Variants in KIF21A observed in about 807,000 individuals in gnomAD.
KIF21A encodes the protein kinesin-like protein KIF21A.
KIF21A carries 114 observed loss-of-function variants against 202.9 expected under a neutral mutation model. The observed-to-expected ratio is 0.56, with a 90% CI of 0.48 to 0.66. The LOEUF (loss-of-function observed/expected upper bound fraction) is 0.66. Among genes scored for constraint, KIF21A ranks in the 30% least tolerant of loss-of-function variants. KIF21A has a pLI of 0.00. For synonymous variants in KIF21A, 667 were observed against 670.8 expected, an observed-to-expected ratio of 0.99 and a Z score of 0.09; for missense variants, 1,677 against 1,994.9, an observed-to-expected ratio of 0.84 and a Z score of 3.04.
At chr12:39,363,077 A>T in intron 7 of KIF21A, 21 bp downstream of exon 7, 1 of 1,351,982 alleles carries the variant, frequency 7.4e-7, no homozygotes, top group South Asian at 1.2e-5. Flanking sequence ...GTCTGAGTAG[A>T]GGATAATCAT....
intron 1 of KIF21A, among the ~76,000 whole-genome samples, chr12:39,420,222 G>A (rs1954139954): frequency 6.6e-6 from 1 of 152,008 alleles, no homozygotes; most frequent in Admixed American, 6.6e-5. Context: ...CCATTTCACT[G>A]GAATTTTGCT....
At chr12:39,423,580 T>C (rs1954485843) in intron 1 of KIF21A, among the ~76,000 whole-genome samples, 1 of 151,534 alleles carries the variant, frequency 6.6e-6, no homozygotes, top group Non-Finnish European at 1.5e-5. Context: ...CTGGGCGCCG[T>C]GGCTCACGCT....
chr12:39,316,029 A>T (rs562478768), intron 29 of KIF21A, 59 bp from the exon 30 acceptor site: 1 of 1,182,482 alleles, frequency 8.5e-7, no homozygotes, highest in African/African-American at 1.5e-5. Context: ...AGGTAAGGAC[A>T]CTGACTTTGG....
chr12:39,311,464 A>T lies in KIF21A; in HGVS notation c.4049T>A (p.Val1350Glu). ...IHIAEGHTKA[V>E]LCVDSTDDLL... is the part of the protein sequence containing the mutation. Reference sequence around the variant, plus strand: ...ATCATCAGTAGAATCCACACAGAGCACAGCTTTTGTATGCCCTTCAGCTAT... The same window carrying T: ...ATCATCAGTAGAATCCACACAGAGCTCAGCTTTTGTATGCCCTTCAGCTAT... The change falls in exon 32 of 38, where the codon GTG (valine) becomes GAG (glutamate). Residue 1350 changes from valine (V) to glutamate (E), a missense_variant. Transcript: ENST00000361418. 6.2e-7 allele frequency: 1 copy of T among 1,613,254 alleles called. No homozygotes were observed. The highest frequency in any genetic ancestry group is 1.1e-5 in the South Asian group (1 of 91,076).
intron 23 of KIF21A, 93 bp from the exon 24 acceptor site, chr12:39,330,355 A>G: frequency 9.0e-7 from 1 of 1,113,366 alleles, no homozygotes; most frequent in Non-Finnish European, 1.4e-6. Context: ...AAGATTATGT[A>G]CCATTTACAT....
rs573299142 is a variant in KIF21A at position 39,374,588 on chromosome 12, T to A, written c.45-4327A>T. ...CAAATGATTCTTTGAAGACAGAGAATATATCTTATTCATTCCTAAAGCAAA... is the reference window on the plus strand; with the variant it reads ...CAAATGATTCTTTGAAGACAGAGAAAATATCTTATTCATTCCTAAAGCAAA... On this transcript the variant is annotated intron_variant, in intron 1 of 37. Transcript: ENST00000361418. 1.3e-4 allele frequency among the ~76,000 whole-genome samples: 20 copies of A among 152,306 alleles called. No homozygotes were observed. In the South Asian group the frequency reaches 4.1e-3, roughly 32 times the overall value.
chr12:39,344,042 G>A (rs995775534), intron 12 of KIF21A, among the ~76,000 whole-genome samples: 8 of 152,086 alleles, frequency 5.3e-5, no homozygotes, highest in Non-Finnish European at 1.0e-4. Flanking sequence ...AGTCTTAACT[G>A]GAAATGAATG....
rs1317990671 is a variant in KIF21A at position 39,367,863 on chromosome 12, A to G, written c.600+20T>C. The G allele has an allele frequency of 4.4e-6, 7 of 1,595,118 alleles. No homozygotes were observed. The highest frequency in any genetic ancestry group is 6.0e-6 in the Non-Finnish European group (7 of 1,164,142). On this transcript the variant is annotated intron_variant, in intron 4 of 37. Transcript: ENST00000361418. Reference sequence around the variant, plus strand: ...AATAAAGCCAACTATGCTCTGTTTTAACTATAATATAAATATTACCTCTGA... The same window carrying G: ...AATAAAGCCAACTATGCTCTGTTTTGACTATAATATAAATATTACCTCTGA...
chr12:39,364,015 C>G (rs1949433570), intron 6 of KIF21A, among the ~76,000 whole-genome samples: 1 of 152,150 alleles, frequency 6.6e-6, no homozygotes, highest in Non-Finnish European at 1.5e-5. Context: ...GAGACCCCGC[C>G]TCAAAATAAA....
At chr12:39,408,853 T>C (rs1202268245) in intron 1 of KIF21A, among the ~76,000 whole-genome samples, 1 of 151,330 alleles carries the variant, frequency 6.6e-6, no homozygotes, top group East Asian at 2.0e-4. Context: ...AGGGTCCCAC[T>C]CTGTCACTCA....
At chr12:39,371,921 A>G (rs901748884) in intron 1 of KIF21A, among the ~76,000 whole-genome samples, 15 of 151,446 alleles carry the variant, frequency 9.9e-5, no homozygotes, top group Non-Finnish European at 1.8e-4. Flanking sequence ...AGAGTAAGTG[A>G]GAATCCGTCT....
intron 26 of KIF21A, among the ~76,000 whole-genome samples, chr12:39,324,610 T>C (rs1205017231): frequency 6.6e-6 from 1 of 152,190 alleles, no homozygotes; most frequent in African/African-American, 2.4e-5. Context: ...GTGAAATCTA[T>C]GTAAAAATCC....
chr12:39,330,567 T>A (rs1207170118), intron 23 of KIF21A, among the ~76,000 whole-genome samples, 179 bp downstream of exon 23: 1 of 152,208 alleles, frequency 6.6e-6, no homozygotes, highest in Non-Finnish European at 1.5e-5. Flanking sequence ...TTTCTTGGAA[T>A]GACAATAATT....
chr12:39,416,387 G>C (rs1463628659), intron 1 of KIF21A, among the ~76,000 whole-genome samples: 1 of 152,000 alleles, frequency 6.6e-6, no homozygotes, highest in African/African-American at 2.4e-5. Context: ...CCTGAGGTCA[G>C]GAGTTCAAGA....
chr12:39,357,551 C>T (rs1948870267), intron 8 of KIF21A, 114 bp from the exon 9 acceptor site: 2 of 869,632 alleles, frequency 2.3e-6, no homozygotes, highest in East Asian at 2.6e-5. Flanking sequence ...TTTCATCTTA[C>T]CAACCCCAAG....
chr12:39,380,865 CT>C (rs1187072457), intron 1 of KIF21A, among the ~76,000 whole-genome samples: 1 of 152,088 alleles, frequency 6.6e-6, no homozygotes, highest in African/African-American at 2.4e-5. Flanking sequence ...TTTCTAGCAT[CT>C]TCTATTTTTT....
intron 7 of KIF21A, among the ~76,000 whole-genome samples, chr12:39,358,907 A>G (rs1948996512): frequency 6.6e-6 from 1 of 152,154 alleles, no homozygotes; most frequent in South Asian, 2.1e-4. Flanking sequence ...GCCAGATTAC[A>G]TAGGAAAAGT....
At chr12:39,389,784 G>A (rs901714990) in intron 1 of KIF21A, among the ~76,000 whole-genome samples, 1 of 151,998 alleles carries the variant, frequency 6.6e-6, no homozygotes, top group Non-Finnish European at 1.5e-5. Flanking sequence ...TTATGAAGAT[G>A]GATATCTTTT....
chr12:39,306,701 T>C (rs1476239335), intron 34 of KIF21A, among the ~76,000 whole-genome samples: 6 of 152,160 alleles, frequency 3.9e-5, no homozygotes, highest in African/African-American at 1.4e-4. Flanking sequence ...ATGGCCTTTA[T>C]TCTCCATTAT....
Sources: gnomAD v4.1 joint callset for allele counts (sites outside exome capture counted in the v4.1 genomes callset) on GRCh38, gnomAD v4.1.1 for gene constraint, MANE v1.5 for transcripts, NCBI Gene and HGNC (gene_info 2026-07-23, HGNC 2026-07-21) for gene names.